Variants in CFAP20 observed in about 807,000 individuals in gnomAD.
The protein encoded by CFAP20 is cilia- and flagella-associated protein 20.
CFAP20 carries 14 observed loss-of-function variants against 25.5 expected under a neutral mutation model. The observed-to-expected ratio is 0.55, with a 90% CI of 0.36 to 0.86. The LOEUF (loss-of-function observed/expected upper bound fraction) is 0.86. Among genes scored for constraint, CFAP20 ranks in the 40% least tolerant of loss-of-function variants. The pLI is 0.01. For missense variants in CFAP20, 181 were observed against 248.0 expected (o/e 0.73, Z 1.81); for synonymous variants, 75 against 91.1 (o/e 0.82, Z 1.01).
At chr16:58,115,494 G>C (rs943064180) in intron 3 of CFAP20, 37 bp from the exon 4 acceptor site, 1 of 1,603,612 alleles carries the variant, frequency 6.2e-7, no homozygotes, top group African/African-American at 1.3e-5. Flanking sequence ...CACTAGCTCT[G>C]TCTTGGAAGA....
At chr16:58,124,909 G>C (rs1475466821) in intron 1 of CFAP20, among the ~76,000 whole-genome samples, 1 of 152,092 alleles carries the variant, frequency 6.6e-6, no homozygotes, top group Non-Finnish European at 1.5e-5. Flanking sequence ...ACTGTGCCTG[G>C]CCAGACTACA....
chr16:58,116,164 G>A lies in CFAP20; in HGVS notation c.165-12C>T, dbSNP rs778506878. On this transcript the variant is annotated splice_polypyrimidine_tract_variant and intron_variant, in intron 2 of 5. Transcript: ENST00000262498. ...TGATATATGTGGTGCTGTAGAGAGA[G>A]GAAATACTAATAAACACACTCCTGG... is the stretch of plus-strand genomic sequence containing the variant. 2.5e-6 allele frequency: 4 copies of A among 1,569,722 alleles called. No homozygotes were observed. The highest frequency in any genetic ancestry group is 1.4e-5 in the African/African-American group (1 of 73,988).
intron 5 of CFAP20, 111 bp from the exon 6 acceptor site, chr16:58,114,141 G>A (rs1960423178): frequency 8.7e-7 from 1 of 1,147,624 alleles, no homozygotes. Flanking sequence ...TGACTGTGGA[G>A]AATGGACACA....
chr16:58,116,655 C>T (rs1960461501), intron 2 of CFAP20: 2 of 539,492 alleles, frequency 3.7e-6, no homozygotes, highest in Admixed American at 6.8e-5. Context: ...TTACTCCTCG[C>T]AATAACCCTA....
Position 58,113,684 on chromosome 16 carries a change from A to C in CFAP20, c.*341T>G. ...ATTTAGATAATATATAAAACATAGA[A>C]TAAACCGCAGGAAGAAATATTGGTC... On this transcript the variant is annotated 3_prime_UTR_variant, in exon 6 of 6. Transcript: ENST00000262498. 1 of 272,976 alleles carries C rather than the reference A, an allele frequency of 3.7e-6. No individual in the cohort carries two copies. The highest frequency in any genetic ancestry group is 7.1e-6 in the Non-Finnish European group (1 of 141,158). The allele number at this position is 272,976 out of a possible 1,614,324, so 16.9% of individuals were successfully genotyped here. A position where few individuals can be genotyped will look rare whatever the true frequency, so the allele number is the denominator to read the frequency against.
chr16:58,123,275 C>A (rs1057472371), intron 1 of CFAP20, among the ~76,000 whole-genome samples: 1 of 145,480 alleles, frequency 6.9e-6, no homozygotes, highest in Non-Finnish European at 1.5e-5. Context: ...GCGTGAGCCA[C>A]TGCGCCCAGC....
At position 58,129,268 on chromosome 16, in the gene CFAP20, G is replaced by C. The variant is rs1960676908; in HGVS notation, c.-153C>G. On this transcript the variant is annotated 5_prime_UTR_variant, in exon 1 of 6. Transcript: ENST00000262498. Reference sequence around the variant, plus strand: ...GCCTCCGGATCTGCAGCCACTGATGGCCGGACTCGGACGCGGCAACGCTAA... The same window carrying C: ...GCCTCCGGATCTGCAGCCACTGATGCCCGGACTCGGACGCGGCAACGCTAA... 3 of 729,438 alleles carry C rather than the reference G, an allele frequency of 4.1e-6. No homozygotes were observed. In the African/African-American group the frequency reaches 5.3e-5, roughly 13 times the overall value. The allele number at this position is 729,438 out of a possible 1,614,324, so 45.2% of individuals were successfully genotyped here.
At chr16:58,122,843 A>G (rs73549156) in intron 1 of CFAP20, among the ~76,000 whole-genome samples, 3,993 of 152,272 alleles carry the variant, frequency 0.026, 177 homozygotes, top group African/African-American at 0.091. Context: ...GGAATCTAAC[A>G]CTATCCAGCA....
chr16:58,118,536 A>T (rs1483662221), intron 1 of CFAP20, among the ~76,000 whole-genome samples: 1 of 151,068 alleles, frequency 6.6e-6, no homozygotes, highest in Non-Finnish European at 1.5e-5. Context: ...AAAACCAAAA[A>T]AACATGGCTG....
At chr16:58,117,237 G>A (rs930968938) in intron 1 of CFAP20, among the ~76,000 whole-genome samples, 1 of 152,082 alleles carries the variant, frequency 6.6e-6, no homozygotes, top group Non-Finnish European at 1.5e-5. Context: ...TATGCACCAG[G>A]AATATCACAC....
At position 58,129,031 on chromosome 16, in the gene CFAP20, C is replaced by T; in HGVS notation, c.84+1G>A. On this transcript the variant is annotated splice_donor_variant, in intron 1 of 5. Transcript: ENST00000262498. LOFTEE classifies it high-confidence loss of function. ...CGCCCCGTCGCCGCCCCTAGCCCGA[C>T]CTTTTTGTCCCAGATTTGCAGAGGC... 6.2e-7 allele frequency: 1 copy of T among 1,613,460 alleles called. No homozygotes were observed.
rs1206952209 is a variant in CFAP20 at position 58,116,125 on chromosome 16, GT to G, written c.191del (p.Asp64AlafsTer15). Reference sequence around the variant, plus strand: ...GTTTAATTCCCAGCGTCTTCTTGGGGTCTGCAGGGCATGTGATATATGTGGT... The same window carrying G: ...GTTTAATTCCCAGCGTCTTCTTGGGGCTGCAGGGCATGTGATATATGTGGT... ...VSTTYITCPADPKKTLGIKLP... is the reference protein window; with the variant it reads ...VSTTYITCPAXPKKTLGIKLP... On this transcript the variant is annotated frameshift_variant, in exon 3 of 6. Coordinates refer to ENST00000262498, the MANE Select transcript of CFAP20 (RefSeq NM_013242.3). LOFTEE classifies it high-confidence loss of function. The G allele has an allele frequency of 1.2e-6, 2 of 1,613,116 alleles. No individual in the cohort carries two copies. The highest frequency in any genetic ancestry group is 1.3e-5 in the African/African-American group (1 of 74,874).
intron 1 of CFAP20, among the ~76,000 whole-genome samples, chr16:58,125,606 C>A (rs1311541875): frequency 6.6e-6 from 1 of 152,024 alleles, no homozygotes; most frequent in African/African-American, 2.4e-5. Context: ...ATTGCTTGAG[C>A]CCAGGAGATG....
Position 58,116,255 on chromosome 16 carries a change from T to A in CFAP20, c.165-103A>T, listed in dbSNP as rs1960457068. On this transcript the variant is annotated intron_variant, in intron 2 of 5. Coordinates refer to ENST00000262498, the MANE Select transcript of CFAP20 (RefSeq NM_013242.3). ...CCAAGAGGATACACTGGAAAGCAGA[T>A]CTAAAAGATTCAGACACGCCACCCA... is the stretch of plus-strand genomic sequence containing the variant. The A allele has an allele frequency of 3.7e-6, 3 of 801,388 alleles. No homozygotes were observed. In the Admixed American group the frequency reaches 7.7e-5, roughly 21 times the overall value. The allele number at this position is 801,388 out of a possible 1,614,324, so 49.6% of individuals were successfully genotyped here.
chr16:58,117,023 C>T (rs561877202), intron 1 of CFAP20, 72 bp from the exon 2 acceptor site: 407 of 1,423,970 alleles, frequency 2.9e-4, no homozygotes, highest in Non-Finnish European at 3.8e-4. Flanking sequence ...AAGAAAACCA[C>T]GGTAGCCCAA....
At chr16:58,126,103 A>G (rs1171339781) in intron 1 of CFAP20, among the ~76,000 whole-genome samples, 1 of 152,224 alleles carries the variant, frequency 6.6e-6, no homozygotes, top group Non-Finnish European at 1.5e-5. Flanking sequence ...ACACAACTGG[A>G]ACACAGCACA....
chr16:58,124,208 G>A (rs768420831), intron 1 of CFAP20, among the ~76,000 whole-genome samples: 26 of 152,332 alleles, frequency 1.7e-4, no homozygotes, highest in Non-Finnish European at 2.6e-4. Context: ...GGCTGGGCGA[G>A]CCACGGTGCA....
Position 58,129,018 on chromosome 16 carries a change from G to T in CFAP20, c.84+14C>A. 7.0e-7 allele frequency: 1 copy of T among 1,422,430 alleles called. No individual in the cohort carries two copies. Among genetic ancestry groups the T allele is most frequent in the Non-Finnish European group, 9.6e-7 (1 of 1,045,522 alleles). 88.1% of individuals were successfully genotyped at this position (1,422,430 alleles called of 1,614,324 possible). ...AGCCCCTCCACCCCGCCCCGTCGCC[G>T]CCCCTAGCCCGACCTTTTTGTCCCA... On this transcript the variant is annotated intron_variant, in intron 1 of 5. Coordinates refer to ENST00000262498, the MANE Select transcript of CFAP20 (RefSeq NM_013242.3).
Position 58,116,079 on chromosome 16 carries a change from T to C in CFAP20, c.238A>G (p.Ile80Val). ...GTAAAATACTTCTTCAGGTTTTTGA[T>C]AATCATGACAAGGAAAGGAAGTTTA... ...GIKLPFLVMI[I>V]KNLKKYFTFE... The change falls in exon 3 of 6, where the codon ATC becomes GTC. Residue 80 changes from isoleucine to valine, a missense_variant. Ile to Val is a conservative substitution (Grantham distance 29, BLOSUM62 3). Transcript: ENST00000262498. The C allele has an allele frequency of 6.8e-6, 11 of 1,613,688 alleles. No homozygotes were observed. The highest frequency in any genetic ancestry group is 9.3e-6 in the Non-Finnish European group (11 of 1,179,582).
Sources: gnomAD v4.1 joint callset for allele counts (sites outside exome capture counted in the v4.1 genomes callset) on GRCh38, gnomAD v4.1.1 for gene constraint, MANE v1.5 for transcripts, NCBI Gene and HGNC (gene_info 2026-07-23, HGNC 2026-07-21) for gene names.